Variants in LYPLAL1 observed in about 807,000 individuals in gnomAD.
LYPLAL1 encodes the protein lysophospholipase like 1.
Under a neutral mutation model 19.7 loss-of-function variants are expected in LYPLAL1, and 23 were observed. That is an observed-to-expected ratio of 1.17 (90% confidence interval 0.84 to 1.65). The LOEUF (loss-of-function observed/expected upper bound fraction) is 1.65. Among genes scored for constraint, LYPLAL1 ranks in the 40% most tolerant of loss-of-function variants. The pLI is 0.00. For missense variants in LYPLAL1, 355 were observed against 279.4 expected (o/e 1.27, Z -1.93); for synonymous variants, 119 against 96.3 (o/e 1.24, Z -1.38).
the LYPLAL1 span, among the ~76,000 whole-genome samples, chr1:219,219,626 TGTCCA>T: frequency 6.6e-6 from 1 of 152,198 alleles, no homozygotes; most frequent in Non-Finnish European, 1.5e-5. Flanking sequence ...GGGTGGCATC[TGTCCA>T]TACCACAGAA....
intron 2 of LYPLAL1, among the ~76,000 whole-genome samples, chr1:219,192,377 A>G (rs1309132071): frequency 6.6e-6 from 1 of 151,692 alleles, no homozygotes; most frequent in Non-Finnish European, 1.5e-5. Flanking sequence ...GTCTGGGTTC[A>G]TCAAAGGGAA....
chr1:219,269,908 T>C, the LYPLAL1 span, among the ~76,000 whole-genome samples: 1 of 152,174 alleles, frequency 6.6e-6, no homozygotes, highest in African/African-American at 2.4e-5. Context: ...ATCATAAAAA[T>C]ACCAAACTGC....
the LYPLAL1 span, among the ~76,000 whole-genome samples, chr1:219,219,474 A>T: frequency 1.3e-5 from 2 of 152,198 alleles, no homozygotes; most frequent in African/African-American, 2.4e-5. Flanking sequence ...CAGTCACAGG[A>T]ACAGGTGACC....
the LYPLAL1 span, among the ~76,000 whole-genome samples, chr1:219,301,056 T>TAA: frequency 2.6e-4 from 38 of 144,868 alleles, no homozygotes; most frequent in South Asian, 6.6e-4. Flanking sequence ...ACTCCACCTC[T>TAA]AAAAAAAAAA....
chr1:219,257,353 G>GTTTTTTT, the LYPLAL1 span, among the ~76,000 whole-genome samples: 3 of 132,578 alleles, frequency 2.3e-5, no homozygotes, highest in African/African-American at 2.9e-5. Context: ...ATCCATACCA[G>GTTTTTTT]TTTTTGTTTT....
At chr1:219,353,800 T>G in the LYPLAL1 span, among the ~76,000 whole-genome samples, 1 of 151,954 alleles carries the variant, frequency 6.6e-6, no homozygotes, top group Admixed American at 6.5e-5. Flanking sequence ...CAGGGGAAAC[T>G]TTACCCAATA....
At chr1:219,243,501 A>G in the LYPLAL1 span, among the ~76,000 whole-genome samples, 113 of 152,286 alleles carry the variant, frequency 7.4e-4, 2 homozygotes, top group African/African-American at 2.6e-3. Flanking sequence ...TTCCTTAGGA[A>G]AATTGTTGAG....
chr1:219,342,906 A>G, the LYPLAL1 span, among the ~76,000 whole-genome samples: 30 of 152,312 alleles, frequency 2.0e-4, no homozygotes, highest in African/African-American at 7.2e-4. Flanking sequence ...TCACACAGAG[A>G]GGATTGATTT....
chr1:219,256,444 TC>T, the LYPLAL1 span, among the ~76,000 whole-genome samples: 4 of 44,256 alleles, frequency 9.0e-5, no homozygotes, highest in East Asian at 3.3e-3. Flanking sequence ...CTCTTTCTTT[TC>T]TTTCTCCCTT....
the LYPLAL1 span, among the ~76,000 whole-genome samples, chr1:219,386,921 T>C: frequency 2.0e-5 from 3 of 152,210 alleles, no homozygotes; most frequent in Admixed American, 2.0e-4. Flanking sequence ...ACCCAAGCCA[T>C]ACAAACCAGT....
At chr1:219,359,046 A>G in the LYPLAL1 span, among the ~76,000 whole-genome samples, 1 of 151,058 alleles carries the variant, frequency 6.6e-6, no homozygotes, top group Non-Finnish European at 1.5e-5. Context: ...ACAACACTAC[A>G]AACTCTATAT....
At chr1:219,422,049 A>C in the LYPLAL1 span, among the ~76,000 whole-genome samples, 1 of 152,200 alleles carries the variant, frequency 6.6e-6, no homozygotes, top group African/African-American at 2.4e-5. Flanking sequence ...AACACAACCT[A>C]CGCTGGTTGA....
chr1:219,408,314 A>T, the LYPLAL1 span, among the ~76,000 whole-genome samples: 1 of 152,124 alleles, frequency 6.6e-6, no homozygotes. Context: ...TCAACTTCTA[A>T]ATCTAGGTTC....
the LYPLAL1 span, among the ~76,000 whole-genome samples, chr1:219,390,818 G>A: frequency 7.2e-5 from 11 of 152,120 alleles, no homozygotes; most frequent in East Asian, 1.2e-3. Flanking sequence ...TTTTGTTATA[G>A]GGGTGGCAAC....
the LYPLAL1 span, among the ~76,000 whole-genome samples, chr1:219,278,683 A>ACAACAG: frequency 1.3e-5 from 2 of 151,608 alleles, no homozygotes; most frequent in South Asian, 2.1e-4. Context: ...TCACTAAACA[A>ACAACAG]CAACAACAAC....
chr1:219,294,178 G>A, the LYPLAL1 span, among the ~76,000 whole-genome samples: 1 of 152,204 alleles, frequency 6.6e-6, no homozygotes, highest in Non-Finnish European at 1.5e-5. Flanking sequence ...AATCTATCCT[G>A]AAGATGCTCC....
the LYPLAL1 span, among the ~76,000 whole-genome samples, chr1:219,413,133 T>C: frequency 2.0e-4 from 31 of 152,030 alleles, no homozygotes; most frequent in East Asian, 5.0e-3. Flanking sequence ...GAAAAATTTC[T>C]TGACAAAGAA....
chr1:219,309,806 G>T, the LYPLAL1 span, among the ~76,000 whole-genome samples: 3 of 152,136 alleles, frequency 2.0e-5, no homozygotes, highest in Non-Finnish European at 4.4e-5. Context: ...GCATGAAAAT[G>T]GACTAATACA....
chr1:219,439,974 C>CACACATATATATATACAT, the LYPLAL1 span, among the ~76,000 whole-genome samples: 6 of 100,172 alleles, frequency 6.0e-5, no homozygotes, highest in African/African-American at 2.6e-4. Context: ...TATATATATA[C>CACACATATATATATACAT]ATATATATAT....
Sources: allele counts gnomAD v4.1 joint callset (sites outside exome capture counted in the v4.1 genomes callset), GRCh38; gene constraint gnomAD v4.1.1; transcripts MANE v1.5; gene names NCBI Gene and HGNC (gene_info 2026-07-23, HGNC 2026-07-21).